Variants in ZNF500 observed in about 807,000 individuals in gnomAD.
ZNF500 encodes the protein zinc finger protein 500, also known as zinc finger protein with KRAB and SCAN domains 18.
ZNF500 carries 31 observed loss-of-function variants against 30.1 expected under a neutral mutation model. That is an observed-to-expected ratio of 1.03 (90% CI 0.77 to 1.39). The LOEUF is 1.39. ZNF500 is among the 40% of genes most tolerant of loss of function. The probability of loss-of-function intolerance (pLI) is 0.00; values close to 1 mark genes in which losing one functional copy is unlikely to be tolerated. For synonymous variants in ZNF500, 392 were observed against 282.0 expected (o/e 1.39, Z -3.91); for missense variants, 817 against 657.8 (o/e 1.24, Z -2.65).
At chr16:4,746,957 G>A (rs1374594571), downstream of ZNF500, 3 of 1,552,008 alleles carry the variant, frequency 1.9e-6, no homozygotes, top group Admixed American at 2.1e-5. Flanking sequence ...ACAGTGAGGA[G>A]GAGGAGGAGG....
intron 2 of ZNF500, among the ~76,000 whole-genome samples, chr16:4,764,760 C>T (rs1349820424): frequency 2.1e-5 from 3 of 141,480 alleles, no homozygotes; most frequent in African/African-American, 5.3e-5. Context: ...CCAGCCTGGG[C>T]GACAGGGCGA....
chr16:4,752,180 G>A lies in ZNF500; in HGVS notation c.*196C>T. On this transcript the variant is annotated 3_prime_UTR_variant, in exon 6 of 6. Coordinates refer to ENST00000219478, the MANE Select transcript of ZNF500 (RefSeq NM_021646.4). ...GGCTGCCACTGGACACTCAGAGCCT[G>A]TCCTTGCCCTTGTTCTGCACCCAGT... The A allele has an allele frequency of 7.1e-7, 1 of 1,409,338 alleles. No individual in the cohort carries two copies. Among genetic ancestry groups the A allele is most frequent in the Non-Finnish European group, 9.2e-7 (1 of 1,087,714 alleles). The allele number at this position is 1,409,338 out of a possible 1,614,324, so 87.3% of individuals were successfully genotyped here. A position where few individuals can be genotyped will look rare whatever the true frequency, so the allele number is the denominator to read the frequency against.
intron 2 of ZNF500, chr16:4,763,699 C>A (rs1203158254): frequency 9.7e-5 from 95 of 984,294 alleles, no homozygotes; most frequent in Non-Finnish European, 1.1e-4. Context: ...GGTGTCGGTG[C>A]AGTGACAGAA....
At chr16:4,747,642 G>A (rs2082035313), downstream of ZNF500, 1 of 1,590,000 alleles carries the variant, frequency 6.3e-7, no homozygotes, top group Non-Finnish European at 8.6e-7. Context: ...CAGGTAGTGG[G>A]ATCCCAGGAG....
chr16:4,760,301 G>A (rs1283086937), intron 5 of ZNF500, among the ~76,000 whole-genome samples, 191 bp downstream of exon 5: 4 of 152,114 alleles, frequency 2.6e-5, no homozygotes, highest in Non-Finnish European at 5.9e-5. Context: ...GGCAGTGCTG[G>A]GCATCTGCCT....
Position 4,751,996 on chromosome 16 carries a change from G to A in ZNF500, c.*380C>T, listed in dbSNP as rs1034378474. 1.9e-6 allele frequency: 2 copies of A among 1,043,810 alleles called. No individual in the cohort carries two copies. The highest frequency in any genetic ancestry group is 7.8e-5 in the Admixed American group (2 of 25,612). The allele number at this position is 1,043,810 out of a possible 1,614,324, so 64.7% of individuals were successfully genotyped here. A position where few individuals can be genotyped will look rare whatever the true frequency, so the allele number is the denominator to read the frequency against. On this transcript the variant is annotated 3_prime_UTR_variant, in exon 6 of 6. Coordinates refer to ENST00000219478, the MANE Select transcript of ZNF500 (RefSeq NM_021646.4). ...CACACAGGAGAGGGGTTGGGACGTG[G>A]GGATGAGGCTGTATGCCAGCAGCCA...
rs1325510197 is a variant in ZNF500, at chr16:4,751,658, C to T, written c.*718G>A. The T allele has an allele frequency of 6.5e-7, 1 of 1,534,020 alleles. No homozygotes were observed. The highest frequency in any genetic ancestry group is 8.7e-7 in the Non-Finnish European group (1 of 1,145,700). ...TGTGCACCCAGACCTCAGAATGTGA[C>T]CTTATTTGGAAACACGGGTTTTGAT... is the stretch of plus-strand genomic sequence containing the variant. On this transcript the variant is annotated 3_prime_UTR_variant, in exon 6 of 6. Transcript: ENST00000219478.
In ZNF500 at chr16:4,748,257, G is replaced by A. The variant is rs958413240; in HGVS notation, c.*4119C>T. On this transcript the variant is annotated 3_prime_UTR_variant, in exon 6 of 6. Transcript: ENST00000219478. ...TTTTTTTGTAGAGATGGGGTCTCAC[G>A]GTGTTGCCCAGGTTGGTCTGGAACT... 1.7e-4 allele frequency: 25 copies of A among 145,554 alleles called. No individual in the cohort carries two copies. Among genetic ancestry groups the A allele is most frequent in the Admixed American group, 8.0e-4 (11 of 13,756 alleles). The allele number at this position is 145,554 out of a possible 1,614,324, so 9.0% of individuals were successfully genotyped here.
downstream of ZNF500, chr16:4,747,218 G>A (rs1010943064): frequency 3.6e-5 from 47 of 1,309,816 alleles, no homozygotes; most frequent in Non-Finnish European, 4.6e-5. Context: ...GTGATGGGCT[G>A]CCTGAATTGC....
At position 4,752,221 on chromosome 16, in the gene ZNF500, C is replaced by T. The variant is rs907363125; in HGVS notation, c.*155G>A. The T allele has an allele frequency of 1.0e-4, 149 of 1,420,688 alleles. 1 individual carries two copies. Among genetic ancestry groups the T allele is most frequent in the Non-Finnish European group, 1.2e-4 (135 of 1,093,452 alleles). 88.0% of individuals were successfully genotyped at this position (1,420,688 alleles called of 1,614,324 possible). A position where few individuals can be genotyped will look rare whatever the true frequency, so the allele number is the denominator to read the frequency against. On this transcript the variant is annotated 3_prime_UTR_variant, in exon 6 of 6. Transcript: ENST00000219478. ...TGCACCCAGTGCCCAGCTTCCTCTG[C>T]GGCCTGGGCATCCCAAATGTCCCCT...
chr16:4,764,143 G>C (rs1046996217), intron 2 of ZNF500: 28 of 968,020 alleles, frequency 2.9e-5, no homozygotes, highest in Non-Finnish European at 3.4e-5. Flanking sequence ...GAAGGGTCCT[G>C]TCTGTGCCAT....
chr16:4,762,234 A>AC, intron 4 of ZNF500, 37 bp downstream of exon 4: 1 of 1,603,382 alleles, frequency 6.2e-7, no homozygotes, highest in Non-Finnish European at 8.5e-7. Context: ...GTCGGGCCAG[A>AC]CCCCAGGATG....
rs2082053649 is a variant in ZNF500 at position 4,749,085 on chromosome 16, C to T, written c.*3291G>A. On this transcript the variant is annotated 3_prime_UTR_variant, in exon 6 of 6. Coordinates refer to ENST00000219478, the MANE Select transcript of ZNF500 (RefSeq NM_021646.4). ...TGCAAGTCAAAGGCAAGACAGGCTTCCATAAAGTCCCAGGAGGTCCCTCCT... is the reference window on the plus strand; with the variant it reads ...TGCAAGTCAAAGGCAAGACAGGCTTTCATAAAGTCCCAGGAGGTCCCTCCT... The T allele has an allele frequency of 6.6e-6, 1 of 152,534 alleles. No individual in the cohort carries two copies. Among genetic ancestry groups the T allele is most frequent in the Admixed American group, 6.5e-5 (1 of 15,294 alleles). 9.4% of individuals were successfully genotyped at this position (152,534 alleles called of 1,614,324 possible). A position where few individuals can be genotyped will look rare whatever the true frequency, so the allele number is the denominator to read the frequency against.
chr16:4,756,794 A>C (rs1208642418), intron 5 of ZNF500, among the ~76,000 whole-genome samples: 1 of 151,912 alleles, frequency 6.6e-6, no homozygotes, highest in Non-Finnish European at 1.5e-5. Flanking sequence ...GGGATTACAG[A>C]CGTGAGACAC....
intron 5 of ZNF500, among the ~76,000 whole-genome samples, chr16:4,753,972 CAGG>C (rs2082111068): frequency 6.6e-6 from 1 of 152,220 alleles, no homozygotes; most frequent in Admixed American, 6.5e-5. Flanking sequence ...ACCAACAGGA[CAGG>C]AGAACAGGGA....
In ZNF500 at chr16:4,752,154, T is replaced by C; in HGVS notation, c.*222A>G. The C allele has an allele frequency of 7.2e-7, 1 of 1,380,538 alleles. No individual in the cohort carries two copies. The highest frequency in any genetic ancestry group is 9.3e-7 in the Non-Finnish European group (1 of 1,072,718). The allele number at this position is 1,380,538 out of a possible 1,614,324, so 85.5% of individuals were successfully genotyped here. A position where few individuals can be genotyped will look rare whatever the true frequency, so the allele number is the denominator to read the frequency against. On this transcript the variant is annotated 3_prime_UTR_variant, in exon 6 of 6. Transcript: ENST00000219478. ...AGCCCCTGCTCTGTGTCACCTGTTC[T>C]GGCTGCCACTGGACACTCAGAGCCT...
At chr16:4,761,112 A>T (rs993818812) in intron 4 of ZNF500, among the ~76,000 whole-genome samples, 5 of 152,132 alleles carry the variant, frequency 3.3e-5, no homozygotes, top group Non-Finnish European at 5.9e-5. Context: ...GACTCTGGTA[A>T]TGAGTCTAGG....
chr16:4,765,437 CT>C (rs2082253467), intron 2 of ZNF500, 127 bp downstream of exon 2: 1 of 1,346,990 alleles, frequency 7.4e-7, no homozygotes, highest in Non-Finnish European at 1.0e-6. Context: ...TTTGCAGTTG[CT>C]TTCCTCAAAA....
rs1047162872 is a variant in ZNF500, at chr16:4,750,252, C to T, written c.*2124G>A. ...CAGAGCTAGTCTAGAAGGTAAAAGC[C>T]GTCCCTCAACCAGGCAGCCCCATTC... On this transcript the variant is annotated 3_prime_UTR_variant, in exon 6 of 6. Coordinates refer to ENST00000219478, the MANE Select transcript of ZNF500 (RefSeq NM_021646.4). 6 of 152,310 alleles carry T rather than the reference C, an allele frequency of 3.9e-5. No individual in the cohort carries two copies. Among genetic ancestry groups the T allele is most frequent in the South Asian group, 2.1e-4 (1 of 4,830 alleles). 9.4% of individuals were successfully genotyped at this position (152,310 alleles called of 1,614,324 possible).
Sources: allele counts gnomAD v4.1 joint callset (sites outside exome capture counted in the v4.1 genomes callset), GRCh38; gene constraint gnomAD v4.1.1; transcripts MANE v1.5; gene names NCBI Gene and HGNC (gene_info 2026-07-23, HGNC 2026-07-21).